Variants in PSMG2 observed in about 807,000 individuals in gnomAD.
PSMG2 encodes CD40 ligand-activated specific transcript 3.
PSMG2 carries 21 observed loss-of-function variants against 31.5 expected under a neutral mutation model. The ratio of observed to expected loss-of-function variants is 0.67; its 90% CI spans 0.47 to 0.96. PSMG2 has a LOEUF of 0.96. Ranked by LOEUF, PSMG2 falls within the 40% of genes least tolerant of loss-of-function variation. PSMG2 has a pLI of 0.00. For synonymous variants in PSMG2, 120 were observed against 110.4 expected, an observed-to-expected ratio of 1.09 and a Z score of -0.54; for missense variants, 318 against 321.2, an observed-to-expected ratio of 0.99 and a Z score of 0.08.
chr18:12,675,351 G>A (rs932564818), intron 1 of PSMG2, among the ~76,000 whole-genome samples: 30 of 152,092 alleles, frequency 2.0e-4, no homozygotes, highest in East Asian at 9.7e-4. Context: ...AGCCGAGATC[G>A]TGCCACTGCA....
chr18:12,673,636 T>G, intron 1 of PSMG2: 1 of 608,150 alleles, frequency 1.6e-6, no homozygotes, highest in Admixed American at 4.1e-5. Context: ...TCCCAGCACT[T>G]TGGGAGGCCG....
chr18:12,711,969 G>T lies in PSMG2; in HGVS notation c.230-733G>T, dbSNP rs2040337046. The stretch of plus-strand genomic sequence containing the variant: ...GGGGTTTCATTCACCATGTTAGCTA[G>T]GATGATCTTGATCTCCTGACCTTGT... On this transcript the variant is annotated intron_variant, in intron 2 of 6. Coordinates refer to ENST00000317615, the MANE Select transcript of PSMG2 (RefSeq NM_020232.5). Among the ~76,000 whole-genome samples, 4 of 152,124 alleles carry T rather than the reference G, an allele frequency of 2.6e-5. 1 individual carries two copies. The South Asian group carries it at 8.3e-4, about 32-fold the overall frequency.
chr18:12,660,407 C>T (rs2038673037), intron 1 of PSMG2, among the ~76,000 whole-genome samples: 1 of 151,718 alleles, frequency 6.6e-6, no homozygotes, highest in African/African-American at 2.4e-5. Context: ...CTGCAACTTC[C>T]GCCTCCTGGG....
At chr18:12,684,991 A>T (rs1414160354) in intron 1 of PSMG2, 1 of 151,900 alleles carries the variant, frequency 6.6e-6, no homozygotes, top group East Asian at 1.9e-4. Context: ...TTTCTATATT[A>T]ATTTTGTACT....
At chr18:12,707,042 G>A (rs1282742546) in intron 2 of PSMG2, among the ~76,000 whole-genome samples, 8 of 152,132 alleles carry the variant, frequency 5.3e-5, no homozygotes, top group Middle Eastern at 3.4e-3. Flanking sequence ...TGCAAGCTCC[G>A]CCTCCCGGGT....
At chr18:12,680,511 G>T (rs1041413904) in intron 1 of PSMG2, 14 of 476,260 alleles carry the variant, frequency 2.9e-5, no homozygotes, top group African/African-American at 2.7e-4. Flanking sequence ...CAGGAGAATC[G>T]GCTTGAACCT....
At chr18:12,710,205 G>A (rs548570545) in intron 2 of PSMG2, among the ~76,000 whole-genome samples, 2 of 152,090 alleles carry the variant, frequency 1.3e-5, no homozygotes, top group Admixed American at 1.3e-4. Context: ...GCTTCCCAAA[G>A]TGCTGGGATT....
At chr18:12,684,349 A>C (rs898775972) in intron 1 of PSMG2, 1 of 151,950 alleles carries the variant, frequency 6.6e-6, no homozygotes, top group African/African-American at 2.4e-5. Context: ...TTCTGGGCTC[A>C]AGTGATTTGC....
upstream of PSMG2, chr18:12,698,742 T>A: frequency 1.9e-6 from 1 of 523,872 alleles, no homozygotes; most frequent in Non-Finnish European, 3.4e-6. Flanking sequence ...TTTAAGTGTG[T>A]ATTACTAAAG....
chr18:12,706,784 G>T, intron 2 of PSMG2, 63 bp downstream of exon 2: 1 of 1,474,052 alleles, frequency 6.8e-7, no homozygotes, highest in Non-Finnish European at 9.2e-7. Flanking sequence ...ATTAGAAATA[G>T]ACTTTATTGA....
upstream of PSMG2, chr18:12,700,012 G>C: frequency 5.3e-6 from 3 of 569,128 alleles, no homozygotes; most frequent in Admixed American, 1.2e-4. Flanking sequence ...ACAGGGTAAG[G>C]CCCTTTCAAA....
intron 1 of PSMG2, among the ~76,000 whole-genome samples, chr18:12,671,638 CTTTCT>C (rs1375434855): frequency 0.017 from 1,405 of 82,912 alleles, 10 homozygotes; most frequent in African/African-American, 0.041. Flanking sequence ...AGGTTTCACA[CTTTCT>C]TTTTTTTTTT....
upstream of PSMG2, among the ~76,000 whole-genome samples, chr18:12,701,708 C>A: frequency 6.6e-6 from 1 of 152,258 alleles, no homozygotes; most frequent in African/African-American, 2.4e-5. Flanking sequence ...TCTTCTGGAG[C>A]TCCGAAATAT....
At chr18:12,694,135 C>G (rs192219467) in intron 1 of PSMG2, among the ~76,000 whole-genome samples, 1 of 152,290 alleles carries the variant, frequency 6.6e-6, no homozygotes, top group East Asian at 1.9e-4. Flanking sequence ...AAAGTTGGTT[C>G]TCACTATGTG....
intron 1 of PSMG2, among the ~76,000 whole-genome samples, chr18:12,690,330 AAACTT>A (rs758905459): frequency 7.2e-5 from 11 of 152,216 alleles, no homozygotes; most frequent in Non-Finnish European, 1.0e-4. Flanking sequence ...AGGATTTGAG[AAACTT>A]AACTTAAAAT....
intron 1 of PSMG2, among the ~76,000 whole-genome samples, chr18:12,667,606 C>G (rs1340917379): frequency 1.3e-5 from 2 of 149,786 alleles, no homozygotes; most frequent in African/African-American, 4.9e-5. Flanking sequence ...AGTAAAAATA[C>G]AAAAATTAGC....
chr18:12,718,282 CG>C (rs2040397309), intron 3 of PSMG2, among the ~76,000 whole-genome samples: 2 of 152,148 alleles, frequency 1.3e-5, no homozygotes, highest in Middle Eastern at 6.8e-3. Context: ...GGACTACAGG[CG>C]TGAGCCACCA....
At chr18:12,712,887 A>G in intron 3 of PSMG2, 127 bp downstream of exon 3, 1 of 606,050 alleles carries the variant, frequency 1.7e-6, no homozygotes, top group Non-Finnish European at 2.8e-6. Context: ...GATTCTACAG[A>G]GAAATAATCT....
rs142531446 is a variant in PSMG2 at position 12,688,156 on chromosome 18, G to C, written c.-36-18394G>C. Among the ~76,000 whole-genome samples, 1,306 of 150,800 alleles carry C rather than the reference G, an allele frequency of 8.7e-3. 28 individuals carry two copies. Among genetic ancestry groups the C allele is most frequent in the African/African-American group, 0.029 (1,201 of 40,956 alleles). ...TGAGGCAGGAGAATGGCATGAATCTGGGAGGCGGAGCTTGCAGTGAGCCGA... is the reference window on the plus strand; with the variant it reads ...TGAGGCAGGAGAATGGCATGAATCTCGGAGGCGGAGCTTGCAGTGAGCCGA... On this transcript the variant is annotated intron_variant, in intron 1 of 6. Transcript: ENST00000585331.
Sources: gnomAD v4.1 joint callset for allele counts (sites outside exome capture counted in the v4.1 genomes callset) on GRCh38, gnomAD v4.1.1 for gene constraint, MANE v1.5 for transcripts, NCBI Gene and HGNC (gene_info 2026-07-23, HGNC 2026-07-21) for gene names.